The following PREX1 variants were observed in gnomAD, a reference collection of about 807,000 sequenced individuals.
PREX1 encodes phosphatidylinositol-3,4,5-trisphosphate dependent Rac exchange factor 1.
In PREX1, 41 loss-of-function variants were observed where a neutral mutation model predicts 198.3. That is an observed-to-expected ratio of 0.21 (90% CI 0.16 to 0.27). PREX1 has a LOEUF of 0.27. PREX1 is among the 10% of genes least tolerant of loss of function. PREX1 has a pLI of 1.00. For synonymous variants in PREX1, 843 were observed against 887.2 expected, an observed-to-expected ratio of 0.95 and a Z score of 0.89; for missense variants, 1,620 against 2,200.7, an observed-to-expected ratio of 0.74 and a Z score of 5.28.
intron 14 of PREX1, among the ~76,000 whole-genome samples, chr20:48,667,247 C>T (rs2089646589): frequency 6.6e-6 from 1 of 152,198 alleles, no homozygotes; most frequent in African/African-American, 2.4e-5. Context: ...TCTGAACCAC[C>T]CACCTCTGGA....
chr20:48,865,426 C>CAAAGGAAGACG, the PREX1 span, among the ~76,000 whole-genome samples: 28 of 152,328 alleles, frequency 1.8e-4, no homozygotes, highest in Non-Finnish European at 2.2e-4. Context: ...TCTTTGGCAG[C>CAAAGGAAGACG]TGTTCAAAGG....
At chr20:48,738,278 G>A (rs1030994773) in intron 3 of PREX1, among the ~76,000 whole-genome samples, 2 of 152,192 alleles carry the variant, frequency 1.3e-5, no homozygotes, top group South Asian at 2.1e-4. Context: ...ACAGGTGCAG[G>A]AGAGGGGGTA....
rs534756287 is a variant in PREX1, at chr20:48,708,380, G to C, written c.663C>G (p.Pro221=). Residue 221 remains proline, a synonymous_variant, in exon 6 of 40, where the codon CCC becomes CCG. Coordinates refer to ENST00000371941, the MANE Select transcript of PREX1 (RefSeq NM_020820.4). ...KRTPGKHPDH[P]AVQSALQAMK... is the part of the protein sequence containing the mutation. ...TGGCCTGCAGGGCACTCTGGACCGC[G>C]GGGTGGTCTGGGTGCTTGCCGGGAG... 1 of 1,614,146 alleles carries C rather than the reference G, an allele frequency of 6.2e-7. No individual in the cohort carries two copies. Among genetic ancestry groups the C allele is most frequent in the Admixed American group, 1.7e-5 (1 of 60,026 alleles).
intron 15 of PREX1, among the ~76,000 whole-genome samples, chr20:48,661,749 T>C (rs6019353): frequency 0.015 from 2,225 of 151,678 alleles, 61 homozygotes; most frequent in African/African-American, 0.052. Flanking sequence ...GCCCCTTTCA[T>C]AGACGGGGAG....
intron 7 of PREX1, among the ~76,000 whole-genome samples, chr20:48,694,163 C>T (rs1407312869): frequency 6.6e-6 from 1 of 152,054 alleles, no homozygotes; most frequent in African/African-American, 2.4e-5. Context: ...CCACCCCCCT[C>T]GGCCTCCCAA....
chr20:48,649,878 C>T (rs2089479470), intron 24 of PREX1, 118 bp downstream of exon 24: 2 of 1,221,374 alleles, frequency 1.6e-6, no homozygotes, highest in Middle Eastern at 2.0e-4. Context: ...AGAAGGTCAT[C>T]CCTGATGACC....
chr20:48,872,819 G>T, the PREX1 span, among the ~76,000 whole-genome samples: 1 of 152,162 alleles, frequency 6.6e-6, no homozygotes, highest in Non-Finnish European at 1.5e-5. Flanking sequence ...AGGACAACCT[G>T]TTCAAACAGA....
rs189858761 is a variant in PREX1 at position 48,637,060 on chromosome 20, T to C, written c.3947-377A>G. On this transcript the variant is annotated intron_variant, in intron 31 of 39. Transcript: ENST00000371941. ...GAATGCCAATGGTGCTAAGCTCTTC[T>C]GCCAAGCTGCACATGTTCAGAAATG... Among the ~76,000 whole-genome samples, 404 of 152,356 alleles carry C rather than the reference T, an allele frequency of 2.7e-3. 4 individuals are homozygous for C. Among genetic ancestry groups the C allele is most frequent in the African/African-American group, 9.4e-3 (391 of 41,580 alleles).
the PREX1 span, among the ~76,000 whole-genome samples, chr20:48,872,184 G>T: frequency 6.6e-6 from 1 of 151,512 alleles, no homozygotes; most frequent in East Asian, 1.9e-4. Flanking sequence ...AAGATTCAGG[G>T]TACCTCTCTC....
rs76897369 is a variant in PREX1, at chr20:48,633,778, G to A, written c.4267+898C>T. On this transcript the variant is annotated intron_variant, in intron 33 of 39. Transcript: ENST00000371941. Reference sequence around the variant, plus strand: ...CCCACCCCACAAACCGATCAGAATCGCTAGGGCCCAGGGCCCTGGGATCGT... The same window carrying A: ...CCCACCCCACAAACCGATCAGAATCACTAGGGCCCAGGGCCCTGGGATCGT... Among the ~76,000 whole-genome samples, 417 of 152,256 alleles carry A rather than the reference G, an allele frequency of 2.7e-3. 7 individuals are homozygous for A. The highest frequency in any genetic ancestry group is 0.02 in the East Asian group (101 of 5,178).
At chr20:48,860,868 T>C in the PREX1 span, among the ~76,000 whole-genome samples, 2 of 149,492 alleles carry the variant, frequency 1.3e-5, no homozygotes, top group South Asian at 2.1e-4. Flanking sequence ...CAGTGGCTCA[T>C]GTCTGCAATC....
chr20:48,856,443 A>C, the PREX1 span, among the ~76,000 whole-genome samples: 2 of 152,212 alleles, frequency 1.3e-5, no homozygotes, highest in Non-Finnish European at 2.9e-5. Flanking sequence ...GAGAGAGCCC[A>C]AACTTCAAAC....
At chr20:48,724,386 T>C (rs1318352194) in intron 5 of PREX1, among the ~76,000 whole-genome samples, 1 of 152,210 alleles carries the variant, frequency 6.6e-6, no homozygotes, top group Non-Finnish European at 1.5e-5. Context: ...ATGAACCCTA[T>C]GTTTCAATGA....
At chr20:48,672,666 CT>C (rs1319182468) in intron 14 of PREX1, among the ~76,000 whole-genome samples, 1 of 152,264 alleles carries the variant, frequency 6.6e-6, no homozygotes, top group East Asian at 1.9e-4. Flanking sequence ...CTCGCTCTGC[CT>C]AAGAGCCTCT....
chr20:48,791,937 G>A lies in PREX1; in HGVS notation c.219+35705C>T, dbSNP rs577659471. 1.9e-4 allele frequency among the ~76,000 whole-genome samples: 29 copies of A among 152,330 alleles called. 1 individual carries two copies. Among genetic ancestry groups the A allele is most frequent in the South Asian group, 2.1e-4 (1 of 4,828 alleles). ...CAATACCGGGCTCGAGTTCCCGCAC[G>A]GGGACTGCTGCCTGGGGCTGAGAGG... On this transcript the variant is annotated intron_variant, in intron 1 of 39. Transcript: ENST00000371941.
intron 32 of PREX1, among the ~76,000 whole-genome samples, chr20:48,635,552 C>T (rs1277387617): frequency 2.6e-5 from 4 of 152,312 alleles, no homozygotes; most frequent in East Asian, 3.9e-4. Flanking sequence ...GGCCTTTGTA[C>T]ATGCTGGTCC....
chr20:48,674,864 T>C (rs1340455099), intron 14 of PREX1, among the ~76,000 whole-genome samples: 1 of 152,212 alleles, frequency 6.6e-6, no homozygotes, highest in East Asian at 1.9e-4. Context: ...GGTCAACCCC[T>C]ACCCACTGGG....
At chr20:48,741,645 T>C (rs2090082570) in intron 3 of PREX1, among the ~76,000 whole-genome samples, 2 of 152,132 alleles carry the variant, frequency 1.3e-5, no homozygotes. Context: ...AAAGATCCGA[T>C]GTGTCAAAGG....
chr20:48,661,850 C>T (rs1235089780), intron 15 of PREX1, among the ~76,000 whole-genome samples: 1 of 152,058 alleles, frequency 6.6e-6, no homozygotes, highest in Non-Finnish European at 1.5e-5. Context: ...TCCTCCTCTC[C>T]CCACACTGTC....
Sources: gnomAD v4.1 joint callset for allele counts (sites outside exome capture counted in the v4.1 genomes callset) on GRCh38, gnomAD v4.1.1 for gene constraint, MANE v1.5 for transcripts, NCBI Gene and HGNC (gene_info 2026-07-23, HGNC 2026-07-21) for gene names.